Variants in ATM observed in about 807,000 individuals in gnomAD.
ATM encodes serine-protein kinase ATM.
Under a neutral mutation model 387.0 loss-of-function variants are expected in ATM, and 308 were observed. The observed-to-expected ratio is 0.80, with a 90% CI of 0.73 to 0.87. ATM has a LOEUF of 0.87. ATM is among the 40% of genes least tolerant of loss of function. The probability of loss-of-function intolerance (pLI) is 0.00; values close to 1 mark genes in which losing one functional copy is unlikely to be tolerated. For synonymous variants in ATM, 1,156 were observed against 1,187.3 expected (o/e 0.97, Z 0.54); for missense variants, 3,312 against 3,560.9 (o/e 0.93, Z 1.78).
At chr11:108,273,626 G>GC (rs2081754471) in intron 22 of ATM, among the ~76,000 whole-genome samples, 1 of 151,964 alleles carries the variant, frequency 6.6e-6, no homozygotes, top group Non-Finnish European at 1.5e-5. Context: ...ACAGGCGTGA[G>GC]CCTTTAATCA....
chr11:108,367,010 CAG>C lies in ATM; in HGVS notation c.*1505_*1506del. ...TCATTCCCCTCATTTTTTTCTGAGA[CAG>C]AGTCTTGCTCTGTCACCCAGGCTGG... On this transcript the variant is annotated 3_prime_UTR_variant, in exon 63 of 63. Transcript: ENST00000675843. 1 of 193,680 alleles carries C rather than the reference CAG, an allele frequency of 5.2e-6. No homozygotes were observed. The highest frequency in any genetic ancestry group is 8.1e-5 in the East Asian group (1 of 12,286). 12.0% of individuals were successfully genotyped at this position (193,680 alleles called of 1,614,324 possible). A position where few individuals can be genotyped will look rare whatever the true frequency, so the allele number is the denominator to read the frequency against.
At chr11:108,284,994 C>A (rs2082418758) in intron 26 of ATM, among the ~76,000 whole-genome samples, 2 of 152,060 alleles carry the variant, frequency 1.3e-5, no homozygotes, top group Non-Finnish European at 2.9e-5. Flanking sequence ...GAGTCTTACT[C>A]TTTTGCCAAG....
intron 19 of ATM, 34 bp downstream of exon 19, chr11:108,271,180 T>C (rs928237859): frequency 6.2e-7 from 1 of 1,613,436 alleles, no homozygotes; most frequent in Non-Finnish European, 8.5e-7. Context: ...ATGTTCACTT[T>C]AAAGTTATAA....
chr11:108,289,519 A>G, intron 28 of ATM, 83 bp from the exon 29 acceptor site: 1 of 1,058,290 alleles, frequency 9.4e-7, no homozygotes, highest in Non-Finnish European at 1.3e-6. Flanking sequence ...GTATTCAAAT[A>G]TTTGAAGAAA....
intron 6 of ATM, among the ~76,000 whole-genome samples, chr11:108,244,469 A>G (rs1175774486): frequency 6.6e-6 from 1 of 152,206 alleles, no homozygotes; most frequent in Non-Finnish European, 1.5e-5. Context: ...GTTGTACATT[A>G]GTATGGCAGT....
Position 108,249,110 on chromosome 11 carries a change from G to A in ATM, c.1235+8G>A. 6.2e-7 allele frequency: 1 copy of A among 1,613,550 alleles called. No individual in the cohort carries two copies. Among genetic ancestry groups the A allele is most frequent in the Non-Finnish European group, 8.5e-7 (1 of 1,179,758 alleles). ...TTTTGATCTTGTGCCTTGGTAAAGT[G>A]TTACCATTTTCTCATTCAGTGTCAT... On this transcript the variant is annotated splice_region_variant and intron_variant, in intron 9 of 62. Transcript: ENST00000675843.
chr11:108,258,901 C>A, intron 15 of ATM, 85 bp from the exon 16 acceptor site: 1 of 1,055,994 alleles, frequency 9.5e-7, no homozygotes, highest in Non-Finnish European at 1.5e-6. Context: ...ATCTACATTC[C>A]ATTCAAGATA....
At chr11:108,285,195 G>A (rs1455669916) in intron 26 of ATM, among the ~76,000 whole-genome samples, 2 of 151,990 alleles carry the variant, frequency 1.3e-5, no homozygotes, top group Non-Finnish European at 1.5e-5. Context: ...CTTGACCTCA[G>A]GTGATCTTCC....
At chr11:108,331,804 A>G in intron 51 of ATM, 75 bp from the exon 52 acceptor site, 2 of 1,527,012 alleles carry the variant, frequency 1.3e-6, no homozygotes, top group South Asian at 1.1e-5. Context: ...ACACATTTTA[A>G]TGTTAAGCAA....
intron 18 of ATM, among the ~76,000 whole-genome samples, chr11:108,269,534 ACTAT>A (rs2081456546): frequency 6.6e-6 from 1 of 152,170 alleles, no homozygotes; most frequent in Non-Finnish European, 1.5e-5. Context: ...CCAAAACCTG[ACTAT>A]CCACTCAACC....
chr11:108,306,911 A>G (rs904699493), intron 37 of ATM, among the ~76,000 whole-genome samples: 1 of 152,104 alleles, frequency 6.6e-6, no homozygotes, highest in Admixed American at 6.5e-5. Context: ...TGATTACCAA[A>G]TCTTGCCAAT....
At chr11:108,357,908 G>A (rs990215110) in intron 61 of ATM, among the ~76,000 whole-genome samples, 16 of 151,050 alleles carry the variant, frequency 1.1e-4, no homozygotes, top group Non-Finnish European at 2.1e-4. Context: ...CCAAAGGAAC[G>A]CAGTTCCTCA....
intron 61 of ATM, among the ~76,000 whole-genome samples, chr11:108,363,074 A>G (rs1275232527): frequency 6.6e-6 from 1 of 152,188 alleles, no homozygotes; most frequent in African/African-American, 2.4e-5. Context: ...GAATTTCCCC[A>G]AATCATTTGG....
At position 108,268,026 on chromosome 11, in the gene ATM, A is replaced by T. The variant is rs1131691154; in HGVS notation, c.2639-384A>T. Among the ~76,000 whole-genome samples, 1 of 152,234 alleles carries T rather than the reference A, an allele frequency of 6.6e-6. No individual in the cohort carries two copies. Among genetic ancestry groups the T allele is most frequent in the Non-Finnish European group, 1.5e-5 (1 of 68,040 alleles). On this transcript the variant is annotated intron_variant, in intron 17 of 62. Coordinates refer to ENST00000675843, the MANE Select transcript of ATM (RefSeq NM_000051.4). ...ACATGTTATGAATGCCTGTTTAATTATAAGTATTTTTCCAGGTAGTTGCTT... is the reference window on the plus strand; with the variant it reads ...ACATGTTATGAATGCCTGTTTAATTTTAAGTATTTTTCCAGGTAGTTGCTT...
At chr11:108,224,611 A>G (rs973917210) in intron 1 of ATM, 7 of 152,206 alleles carry the variant, frequency 4.6e-5, no homozygotes, top group African/African-American at 1.2e-4. Flanking sequence ...CCCTTTGGCT[A>G]TGCTAGTCTC....
At chr11:108,327,611 C>G (rs771460194) in intron 47 of ATM, 34 bp from the exon 48 acceptor site, 1 of 1,516,450 alleles carries the variant, frequency 6.6e-7, no homozygotes, top group South Asian at 1.1e-5. Context: ...CATGGTAATG[C>G]ATTATATTTT....
At chr11:108,300,003 CTTTATGAAAATTCTTATAT>C in intron 34 of ATM, 118 bp downstream of exon 34, 2 of 985,590 alleles carry the variant, frequency 2.0e-6, no homozygotes, top group Non-Finnish European at 3.0e-6. Context: ...ATCTCAGTGT[CTTTATGAAAATTCTTATAT>C]TTTTATTAAT....
In ATM at chr11:108,348,252, AAGAG is replaced by A. The variant is rs545034465; in HGVS notation, c.8671+889_8671+892del. Among the ~76,000 whole-genome samples, 89 of 151,672 alleles carry A rather than the reference AAGAG, an allele frequency of 5.9e-4. 1 individual carries two copies. Among genetic ancestry groups the A allele is most frequent in the African/African-American group, 1.9e-3 (79 of 41,412 alleles). ...TATATAGACAGTTTAATATAAAAGA[AAGAG>A]AATATATATAGCTAAGGAATATATC... On this transcript the variant is annotated intron_variant, in intron 59 of 62. Coordinates refer to ENST00000675843, the MANE Select transcript of ATM (RefSeq NM_000051.4).
chr11:108,332,180 C>T lies in ATM; in HGVS notation c.7788+143C>T, dbSNP rs961713011. Reference sequence around the variant, plus strand: ...CGGTGGCTCACGCCTGTAATCCCAGCACTTTGGGAGGCTGAGGCGGGTGGA... The same window carrying T: ...CGGTGGCTCACGCCTGTAATCCCAGTACTTTGGGAGGCTGAGGCGGGTGGA... On this transcript the variant is annotated intron_variant, in intron 52 of 62. Coordinates refer to ENST00000675843, the MANE Select transcript of ATM (RefSeq NM_000051.4). 16 of 1,077,604 alleles carry T rather than the reference C, an allele frequency of 1.5e-5. 1 individual carries two copies. In the Admixed American group the frequency reaches 3.6e-4, roughly 24 times the overall value. 66.8% of individuals were successfully genotyped at this position (1,077,604 alleles called of 1,614,324 possible). A position where few individuals can be genotyped will look rare whatever the true frequency, so the allele number is the denominator to read the frequency against.
Sources: gnomAD v4.1 joint callset for allele counts (sites outside exome capture counted in the v4.1 genomes callset) on GRCh38, gnomAD v4.1.1 for gene constraint, MANE v1.5 for transcripts, NCBI Gene and HGNC (gene_info 2026-07-23, HGNC 2026-07-21) for gene names.